TSHZ3: variants seen among roughly 807,000 people sequenced by gnomAD.
TSHZ3 encodes teashirt zinc finger homeobox 3.
In TSHZ3, 10 loss-of-function variants were observed where a neutral mutation model predicts 64.5. That is an observed-to-expected ratio of 0.16 (90% CI 0.10 to 0.26). The LOEUF (loss-of-function observed/expected upper bound fraction) is 0.26, where lower values mean the gene tolerates loss of function less well. Among genes scored for constraint, TSHZ3 ranks in the 10% least tolerant of loss-of-function variants. The probability of loss-of-function intolerance (pLI) is 1.00; values close to 1 mark genes in which losing one functional copy is unlikely to be tolerated. For synonymous variants in TSHZ3, 608 were observed against 593.1 expected (o/e 1.03, Z -0.36); for missense variants, 1,242 against 1,421.7 (o/e 0.87, Z 2.03).
intron 4 of TSHZ3, among the ~76,000 whole-genome samples, chr19:31,205,442 T>C (rs1168092826): frequency 6.6e-6 from 1 of 152,202 alleles, no homozygotes; most frequent in African/African-American, 2.4e-5. Context: ...GATCCACTTC[T>C]TTCTCCTGAA....
chr19:31,166,848 G>A lies in TSHZ3; in HGVS notation n.810-10431C>T, dbSNP rs573395069. On this transcript the variant is annotated intron_variant and non_coding_transcript_variant, in intron 5 of 6. Transcript: ENST00000651361. ...CACATGCTTAAGAAAAGTACTATAT[G>A]CTCAACACAAATATACTTGAGATAT... 8.9e-4 allele frequency among the ~76,000 whole-genome samples: 135 copies of A among 152,314 alleles called. 1 individual carries two copies. The highest frequency in any genetic ancestry group is 2.6e-4 in the Non-Finnish European group (18 of 68,040).
At chr19:31,187,179 C>A (rs1974825169) in intron 5 of TSHZ3, among the ~76,000 whole-genome samples, 1 of 152,138 alleles carries the variant, frequency 6.6e-6, no homozygotes, top group African/African-American at 2.4e-5. Flanking sequence ...CCCATAACCC[C>A]TGGGAACTAG....
At chr19:31,250,952 C>T (rs921505489) in intron 1 of TSHZ3, among the ~76,000 whole-genome samples, 1 of 152,106 alleles carries the variant, frequency 6.6e-6, no homozygotes, top group Non-Finnish European at 1.5e-5. Flanking sequence ...TGGTGTCTGA[C>T]CACAGGGAGG....
chr19:31,271,763 A>C (rs1976142968), downstream of TSHZ3, among the ~76,000 whole-genome samples: 1 of 152,242 alleles, frequency 6.6e-6, no homozygotes, highest in African/African-American at 2.4e-5. Context: ...ACACGTGCTC[A>C]CTAATAAATC....
At chr19:31,263,917 C>G (rs1186679807) in intron 1 of TSHZ3, among the ~76,000 whole-genome samples, 12 of 152,138 alleles carry the variant, frequency 7.9e-5, no homozygotes, top group Admixed American at 7.9e-4. Flanking sequence ...GTAGCAGAAA[C>G]AGTGGGGGAG....
chr19:31,280,336 G>A (rs1486626800), intron 1 of TSHZ3, among the ~76,000 whole-genome samples: 1 of 150,254 alleles, frequency 6.7e-6, no homozygotes, highest in Non-Finnish European at 1.5e-5. Flanking sequence ...AGATTTTGTG[G>A]CTTTTTTTTT....
rs748403931 is a variant in TSHZ3 at position 31,278,088 on chromosome 19, T to C, written c.1705A>G (p.Lys569Glu). The change falls in exon 2 of 2, where the codon AAG becomes GAG. Residue 569 changes from lysine (K) to glutamate (E), a missense_variant. Lys to Glu is a moderately conservative substitution (Grantham distance 56, BLOSUM62 1). Around this residue, in one of 4 missense-constraint regions of TSHZ3, gnomAD observed 550 missense variants for 545.1 expected, o/e 1.01. Coordinates refer to ENST00000240587, the MANE Select transcript of TSHZ3 (RefSeq NM_020856.4). The surrounding 1 kb of genome is among the most constrained non-coding windows in gnomAD (Gnocchi z 4.7). ...MMKLSLGSSG[K>E]STPLKPMFGN... is the part of the protein sequence containing the mutation. The stretch of plus-strand genomic sequence containing the variant: ...AACATGGGTTTCAGGGGCGTGCTCT[T>C]CCCCGACGAGCCCAGGGACAACTTC... 1.2e-6 allele frequency: 2 copies of C among 1,614,124 alleles called. No homozygotes were observed. The highest frequency in any genetic ancestry group is 1.7e-6 in the Non-Finnish European group (2 of 1,180,014).
chr19:31,238,193 T>C (rs773762648), intron 3 of TSHZ3, among the ~76,000 whole-genome samples: 1 of 152,150 alleles, frequency 6.6e-6, no homozygotes. Flanking sequence ...AATGTTAAAA[T>C]TTTTCTATCA....
chr19:31,345,449 A>ATGT (rs1178023016), intron 1 of TSHZ3, among the ~76,000 whole-genome samples: 2 of 152,316 alleles, frequency 1.3e-5, no homozygotes, highest in Non-Finnish European at 2.9e-5. Flanking sequence ...CCTCTTAGGC[A>ATGT]TGCCCATGTC....
At chr19:31,318,711 A>G (rs933610699) in intron 1 of TSHZ3, among the ~76,000 whole-genome samples, 4 of 152,244 alleles carry the variant, frequency 2.6e-5, no homozygotes, top group African/African-American at 7.2e-5. Flanking sequence ...AAAAACAATG[A>G]AAAACAATTA....
intron 1 of TSHZ3, among the ~76,000 whole-genome samples, chr19:31,266,913 C>T (rs1003870342): frequency 7.2e-5 from 11 of 152,192 alleles, no homozygotes; most frequent in African/African-American, 2.7e-4. Context: ...CCCCTCTCTG[C>T]AAGCTCAAGT....
At chr19:31,248,512 A>G (rs1249392406) in intron 1 of TSHZ3, among the ~76,000 whole-genome samples, 1 of 152,150 alleles carries the variant, frequency 6.6e-6, no homozygotes, top group Non-Finnish European at 1.5e-5. Flanking sequence ...AGAATACTCA[A>G]AACTCTGGGT....
chr19:31,273,075 T>A (rs937955194), downstream of TSHZ3, among the ~76,000 whole-genome samples: 4 of 152,104 alleles, frequency 2.6e-5, no homozygotes, highest in African/African-American at 9.7e-5. Context: ...GGGTGAAAGG[T>A]TCTTCCGGAC....
intron 5 of TSHZ3, among the ~76,000 whole-genome samples, chr19:31,201,950 T>C (rs1252158904): frequency 6.6e-6 from 1 of 152,182 alleles, no homozygotes; most frequent in Admixed American, 6.5e-5. Context: ...GTGGATCACC[T>C]GAGGATGGGA....
chr19:31,291,100 C>T (rs1438824488), intron 1 of TSHZ3, among the ~76,000 whole-genome samples: 6 of 152,182 alleles, frequency 3.9e-5, no homozygotes, highest in East Asian at 1.9e-4. Context: ...CCAGTGGTGG[C>T]GTAAGCCAAT....
rs560941459 is a variant in TSHZ3 at position 31,249,052 on chromosome 19, C to T, written n.64-6177G>A. Among the ~76,000 whole-genome samples, 61 of 150,366 alleles carry T rather than the reference C, an allele frequency of 4.1e-4. No homozygotes were observed. The South Asian group carries it at 4.5e-3, about 11-fold the overall frequency. ...AGAGTGTGGCTAGTCCCTCCCTGCT[C>T]GCTTGCGACCCCCAAGACCATCACT... On this transcript the variant is annotated intron_variant and non_coding_transcript_variant, in intron 1 of 6. Transcript: ENST00000651361.
intron 5 of TSHZ3, among the ~76,000 whole-genome samples, chr19:31,156,999 C>T (rs907820665): frequency 1.3e-5 from 2 of 152,152 alleles, no homozygotes; most frequent in African/African-American, 4.8e-5. Flanking sequence ...AAAATAGGCA[C>T]TTTCTTGCCT....
At chr19:31,317,065 G>A (rs925915931) in intron 1 of TSHZ3, among the ~76,000 whole-genome samples, 2 of 152,172 alleles carry the variant, frequency 1.3e-5, no homozygotes, top group African/African-American at 2.4e-5. Context: ...AAAGGACCAC[G>A]GGAGTTGAAA....
chr19:31,157,956 A>G (rs1347586452), intron 5 of TSHZ3, among the ~76,000 whole-genome samples: 1 of 152,226 alleles, frequency 6.6e-6, no homozygotes, highest in Non-Finnish European at 1.5e-5. Context: ...TCGTGGTACA[A>G]TGAACAACTT....
Sources: allele counts gnomAD v4.1 joint callset (sites outside exome capture counted in the v4.1 genomes callset), GRCh38; gene constraint gnomAD v4.1.1; regional missense constraint gnomAD v4.1.1; non-coding constraint Gnocchi (gnomAD v3.1); transcripts MANE v1.5; gene names NCBI Gene and HGNC (gene_info 2026-07-23, HGNC 2026-07-21).